The following DSC3 variants were observed in gnomAD, a reference collection of about 807,000 sequenced individuals.
DSC3 encodes the protein desmocollin-3.
A neutral mutation model predicts 89.5 loss-of-function variants in DSC3; 97 were observed. The ratio of observed to expected loss-of-function variants is 1.08; its 90% CI spans 0.92 to 1.28. DSC3 has a LOEUF of 1.28. Among genes scored for constraint, DSC3 ranks in the 50% most tolerant of loss-of-function variants. The probability of loss-of-function intolerance (pLI) is 0.00; values close to 1 mark genes in which losing one functional copy is unlikely to be tolerated. For synonymous variants in DSC3, 436 were observed against 384.1 expected (o/e 1.14, Z -1.58); for missense variants, 1,199 against 1,085.3 (o/e 1.10, Z -1.47).
chr18:31,039,192 G>A (rs1986061005), intron 1 of DSC3, among the ~76,000 whole-genome samples: 2 of 152,034 alleles, frequency 1.3e-5, no homozygotes, highest in African/African-American at 4.8e-5. Flanking sequence ...GCATTTTATA[G>A]TACTAAGCAA....
At chr18:31,025,476 A>T (rs1235045430) in intron 5 of DSC3, among the ~76,000 whole-genome samples, 1 of 152,144 alleles carries the variant, frequency 6.6e-6, no homozygotes, top group Admixed American at 6.6e-5. Flanking sequence ...AGATTATCTC[A>T]TAAGCAAAAC....
chr18:31,025,748 T>A lies in DSC3; in HGVS notation c.630+12A>T. The A allele has an allele frequency of 1.2e-6, 2 of 1,612,176 alleles. No homozygotes were observed. Among genetic ancestry groups the A allele is most frequent in the South Asian group, 2.2e-5 (2 of 91,036 alleles). ...AATAATTTAAAGTCAGGCATATCAA[T>A]AAAAGTCCTACATCAAAAACATCAT... On this transcript the variant is annotated intron_variant, in intron 5 of 15. Coordinates refer to ENST00000360428, the MANE Select transcript of DSC3 (RefSeq NM_001941.5).
chr18:31,018,047 G>A, intron 9 of DSC3, 24 bp downstream of exon 9: 2 of 1,594,762 alleles, frequency 1.3e-6, no homozygotes, highest in East Asian at 2.2e-5. Context: ...AATTTGCTAA[G>A]TTGTCAATTA....
intron 5 of DSC3, among the ~76,000 whole-genome samples, chr18:31,025,465 G>T (rs538922583): frequency 9.2e-5 from 14 of 152,222 alleles, no homozygotes; most frequent in African/African-American, 3.4e-4. Flanking sequence ...GAAAGAGAGA[G>T]AGATTATCTC....
intron 1 of DSC3, among the ~76,000 whole-genome samples, chr18:31,041,203 C>G (rs550270878): frequency 2.6e-5 from 4 of 152,166 alleles, no homozygotes; most frequent in Non-Finnish European, 5.9e-5. Context: ...TTTCGTTCCC[C>G]ATCCTCAATC....
intron 6 of DSC3, among the ~76,000 whole-genome samples, chr18:31,023,301 A>G (rs1441719625): frequency 6.6e-6 from 1 of 152,202 alleles, no homozygotes; most frequent in African/African-American, 2.4e-5. Context: ...TTTACAAGTA[A>G]GAAAACTCAG....
At chr18:31,031,529 C>T (rs1008259138) in intron 2 of DSC3, among the ~76,000 whole-genome samples, 1 of 152,072 alleles carries the variant, frequency 6.6e-6, no homozygotes, top group African/African-American at 2.4e-5. Flanking sequence ...GAAGAGTTTC[C>T]CTAACAATAC....
rs1246227834 is a variant in DSC3, at chr18:31,022,346, AAAT to A, written c.929_931del (p.Tyr310del). ...GAGTGTGTGAGCTACCTCTCTGTCC[AAAT>A]AATGAGAGACTGTGGTGATTACGCC... On this transcript the variant is annotated inframe_deletion, in exon 7 of 16. Transcript: ENST00000360428. The A allele has an allele frequency of 6.2e-7, 1 of 1,614,008 alleles. No individual in the cohort carries two copies. Among genetic ancestry groups the A allele is most frequent in the Non-Finnish European group, 8.5e-7 (1 of 1,179,930 alleles).
At chr18:31,013,695 A>G (rs1985143656) in intron 9 of DSC3, among the ~76,000 whole-genome samples, 1 of 152,258 alleles carries the variant, frequency 6.6e-6, no homozygotes, top group Non-Finnish European at 1.5e-5. Flanking sequence ...GCTCAGCTAC[A>G]CTGAAACACC....
chr18:31,018,125 A>T lies in DSC3; in HGVS notation c.1209T>A (p.His403Gln), dbSNP rs201305575. 197 of 1,612,690 alleles carry T rather than the reference A, an allele frequency of 1.2e-4. No homozygotes were observed. Among genetic ancestry groups the T allele is most frequent in the Non-Finnish European group, 1.6e-4 (191 of 1,179,378 alleles). The part of the protein sequence containing the change: ...FTILKGNENG[H>Q]FKISTDKETN... ...TTTCTTTGTCTGTGCTGATTTTGAA[A>T]TGTCCATTTTCATTTCCCTTTAAAA... The change falls in exon 9 of 16, where the codon CAT becomes CAA. Residue 403 changes from histidine (H) to glutamine (Q), a missense_variant. By Grantham distance (24) the His-to-Gln change is conservative. Coordinates refer to ENST00000360428, the MANE Select transcript of DSC3 (RefSeq NM_001941.5).
In DSC3 at chr18:31,022,455, T is replaced by C; in HGVS notation, c.823A>G (p.Thr275Ala). The change falls in exon 7 of 16, where the codon ACA becomes GCA. Residue 275 changes from threonine to alanine, a missense_variant. Physicochemically the swap from Thr to Ala is moderately conservative, Grantham distance 58. Transcript: ENST00000360428. ...CTGTATTTCAGGCGCGTATGCATTG[T>C]GTCCGGTTCATCTCTGTCTGTGGCA... Reference protein sequence around the residue: ...VCATDRDEPDTMHTRLKYSIL... With the variant: ...VCATDRDEPDAMHTRLKYSIL... 2 of 1,614,106 alleles carry C rather than the reference T, an allele frequency of 1.2e-6. No individual in the cohort carries two copies. The highest frequency in any genetic ancestry group is 2.2e-5 in the South Asian group (2 of 91,088).
rs1341607369 is a variant in DSC3 at position 31,022,523 on chromosome 18, C to T, written c.776-21G>A. ...AGTACCTACACATTAAAAAATAAAA[C>T]AGCCTTTAATTTACAGAATTGTTAA... On this transcript the variant is annotated intron_variant, in intron 6 of 15. Coordinates refer to ENST00000360428, the MANE Select transcript of DSC3 (RefSeq NM_001941.5). 3 of 1,613,488 alleles carry T rather than the reference C, an allele frequency of 1.9e-6. No individual in the cohort carries two copies. The African/African-American group carries it at 4.0e-5, about 22-fold the overall frequency.
intron 9 of DSC3, among the ~76,000 whole-genome samples, 183 bp downstream of exon 9, chr18:31,017,888 G>A (rs748968311): frequency 7.9e-5 from 12 of 152,120 alleles, no homozygotes; most frequent in Non-Finnish European, 1.6e-4. Flanking sequence ...GAAGCTAGGT[G>A]ACTAGCAATC....
intron 14 of DSC3, among the ~76,000 whole-genome samples, chr18:31,000,402 C>G (rs1024071937): frequency 6.6e-6 from 1 of 152,178 alleles, no homozygotes; most frequent in Non-Finnish European, 1.5e-5. Context: ...ACCCTGATGT[C>G]TTCCTATTCT....
rs1986177027 is a variant in DSC3, at chr18:31,042,688, G to T, written c.-28C>A. 6.5e-7 allele frequency: 1 copy of T among 1,544,956 alleles called. No homozygotes were observed. Among genetic ancestry groups the T allele is most frequent in the Non-Finnish European group, 8.7e-7 (1 of 1,144,038 alleles). On this transcript the variant is annotated 5_prime_UTR_variant, in exon 1 of 16. Transcript: ENST00000360428. ...GGATGCCGGGCAGGGCCAGGAGAAC[G>T]CGGGCGCCGGGAGGGTGCCGAGAGC...
At chr18:31,001,509 A>G in intron 14 of DSC3, 109 bp downstream of exon 14, 3 of 1,303,604 alleles carry the variant, frequency 2.3e-6, no homozygotes, top group South Asian at 2.7e-5. Flanking sequence ...TGCCTATGAA[A>G]TCTGATTCAA....
At chr18:31,029,040 T>C (rs1985691956) in intron 4 of DSC3, among the ~76,000 whole-genome samples, 1 of 152,170 alleles carries the variant, frequency 6.6e-6, no homozygotes, top group Admixed American at 6.5e-5. Flanking sequence ...TCTCTAAGCC[T>C]TCTCTTGCTT....
At chr18:31,037,239 T>C (rs973014536) in intron 1 of DSC3, among the ~76,000 whole-genome samples, 3 of 152,218 alleles carry the variant, frequency 2.0e-5, no homozygotes, top group African/African-American at 4.8e-5. Context: ...CTTGATAATA[T>C]ATAGAAATCA....
At chr18:31,030,885 C>A (rs1315551262) in intron 3 of DSC3, 88 bp downstream of exon 3, 7 of 1,184,174 alleles carry the variant, frequency 5.9e-6, no homozygotes, top group Non-Finnish European at 1.2e-6. Context: ...GGGGAAAATA[C>A]CCTATTTATC....
Sources: gnomAD v4.1 joint callset for allele counts (sites outside exome capture counted in the v4.1 genomes callset) on GRCh38, gnomAD v4.1.1 for gene constraint, MANE v1.5 for transcripts, NCBI Gene and HGNC (gene_info 2026-07-23, HGNC 2026-07-21) for gene names.